Variants in ZP2 observed in about 807,000 individuals in gnomAD.
ZP2 encodes zona pellucida glycoprotein 2, also known as zona pellucida sperm-binding protein 2.
A neutral mutation model predicts 84.0 loss-of-function variants in ZP2; 51 were observed. The ratio of observed to expected loss-of-function variants is 0.61; its 90% CI spans 0.49 to 0.77. The LOEUF (loss-of-function observed/expected upper bound fraction) is 0.77, where lower values mean the gene tolerates loss of function less well. Among genes scored for constraint, ZP2 ranks in the 30% least tolerant of loss-of-function variants. The probability of loss-of-function intolerance (pLI) is 0.00; values close to 1 mark genes in which losing one functional copy is unlikely to be tolerated. For missense variants in ZP2, 909 were observed against 911.9 expected (o/e 1.00, Z 0.04); for synonymous variants, 375 against 330.9 (o/e 1.13, Z -1.45).
At chr16:21,211,978 A>G (rs1423486589), upstream of ZP2, among the ~76,000 whole-genome samples, 1 of 149,442 alleles carries the variant, frequency 6.7e-6, no homozygotes, top group Non-Finnish European at 1.5e-5. Flanking sequence ...CCCAGGCTGG[A>G]GTGCACTGGT....
Position 21,205,447 on chromosome 16 carries a change from G to A in ZP2, c.666C>T (p.Phe222=). 1 of 1,614,128 alleles carries A rather than the reference G, an allele frequency of 6.2e-7. No individual in the cohort carries two copies. Among genetic ancestry groups the A allele is most frequent in the Admixed American group, 1.7e-5 (1 of 60,012 alleles). The change falls in exon 7 of 19, where the codon TTC becomes TTT. Residue 222 remains phenylalanine, a synonymous_variant. Transcript: ENST00000574091. The part of the protein sequence containing the change: ...DNHRMTFHVP[F]NATGVTHYVQ... ...CATAGTGAGTCACTCCAGTGGCATT[G>A]AATGGCACATGGAAGGTCATCCTGT... is the stretch of plus-strand genomic sequence containing the variant.
intron 5 of ZP2, 62 bp from the exon 6 acceptor site, chr16:21,205,837 C>G: frequency 6.4e-7 from 1 of 1,558,242 alleles, no homozygotes; most frequent in Non-Finnish European, 8.8e-7. Flanking sequence ...CGAATTCATG[C>G]CAGAAATTGC....
At position 21,199,632 on chromosome 16, in the gene ZP2, C is replaced by T. The variant is rs369576343; in HGVS notation, c.1865G>A (p.Arg622Gln). 23 of 1,613,558 alleles carry T rather than the reference C, an allele frequency of 1.4e-5. No individual in the cohort carries two copies. The highest frequency in any genetic ancestry group is 1.1e-4 in the African/African-American group (8 of 74,888). The change falls in exon 16 of 19, where the codon CGA becomes CAA. Residue 622 changes from arginine (R) to glutamine (Q), a missense_variant. Transcript: ENST00000574091. ...YFHCSALICNRLSPDSPLCSV... is the reference protein window; with the variant it reads ...YFHCSALICNQLSPDSPLCSV... ...ACACAGTGGGGAGTCAGGGGAGAGT[C>T]GATTACAGATTAAGGCACTGCAGTG...
At chr16:21,211,664 T>C (rs1387963937), upstream of ZP2, 1 of 1,585,472 alleles carries the variant, frequency 6.3e-7, no homozygotes, top group African/African-American at 1.3e-5. Context: ...TCTTGTCCCA[T>C]TCTCCCAGCT....
At chr16:21,213,925 T>C (rs2093283192), upstream of ZP2, among the ~76,000 whole-genome samples, 1 of 151,918 alleles carries the variant, frequency 6.6e-6, no homozygotes, top group African/African-American at 2.4e-5. Flanking sequence ...AGCATAGACG[T>C]GAGACTCAGA....
intron 14 of ZP2, 41 bp from the exon 15 acceptor site, chr16:21,199,919 T>C (rs1281701708): frequency 1.9e-6 from 3 of 1,607,982 alleles, no homozygotes; most frequent in Non-Finnish European, 2.5e-6. Flanking sequence ...GTCATATGCA[T>C]CTTGGAGTCA....
chr16:21,202,527 T>C (rs1319469608), intron 10 of ZP2, among the ~76,000 whole-genome samples: 1 of 152,162 alleles, frequency 6.6e-6, no homozygotes, highest in Non-Finnish European at 1.5e-5. Context: ...CCAGTAGATG[T>C]AGGAAGAAGT....
In ZP2 at chr16:21,197,830, T is replaced by C. The variant is rs761765228; in HGVS notation, c.2031A>G (p.Leu677=). ...SSFRGVGSSD[L]KASGSSGEKS... ...TCTCCCCACTGCTCCCACTTGCTTT[T>C]AGATCAGATGAGCCGACACCTGGGA... The change falls in exon 18 of 19, where the codon CTA becomes CTG. Residue 677 remains leucine, a synonymous_variant. Transcript: ENST00000574091. 2.2e-5 allele frequency: 36 copies of C among 1,614,054 alleles called. No homozygotes were observed. The Admixed American group carries it at 5.3e-4, about 24-fold the overall frequency.
chr16:21,198,438 A>G (rs915041821), intron 17 of ZP2, among the ~76,000 whole-genome samples: 1 of 152,178 alleles, frequency 6.6e-6, no homozygotes, highest in African/African-American at 2.4e-5. Flanking sequence ...TGAGGACAAA[A>G]CTAGAAATAA....
chr16:21,201,135 G>T (rs755178944), intron 14 of ZP2, among the ~76,000 whole-genome samples: 3 of 151,726 alleles, frequency 2.0e-5, no homozygotes, highest in Non-Finnish European at 4.4e-5. Context: ...GGAGGCAGGG[G>T]CTACAGTGAG....
upstream of ZP2, among the ~76,000 whole-genome samples, chr16:21,213,083 T>A (rs2093280761): frequency 6.6e-6 from 1 of 152,302 alleles, no homozygotes; most frequent in Non-Finnish European, 1.5e-5. Context: ...CTTGCTCTGT[T>A]GCCCAGGTGG....
At chr16:21,211,259 C>A (rs568129830) in intron 2 of ZP2, 48 bp downstream of exon 2, 1 of 1,571,624 alleles carries the variant, frequency 6.4e-7, no homozygotes, top group South Asian at 1.1e-5. Context: ...CTTCCAGCTG[C>A]AACCTGTTTT....
chr16:21,201,575 T>C lies in ZP2; in HGVS notation c.1505-17A>G. On this transcript the variant is annotated splice_polypyrimidine_tract_variant and intron_variant, in intron 13 of 18. Coordinates refer to ENST00000574091, the MANE Select transcript of ZP2 (RefSeq NM_001376232.1). ...AGGAATTATCTGAAATTGAATGGTA[T>C]TCAAGTAGTTAATGGCTGCAACACA... 6.2e-7 allele frequency: 1 copy of C among 1,602,490 alleles called. No homozygotes were observed. Among genetic ancestry groups the C allele is most frequent in the South Asian group, 1.1e-5 (1 of 88,916 alleles).
intron 10 of ZP2, 71 bp from the exon 11 acceptor site, chr16:21,202,362 A>C (rs900780548): frequency 7.6e-5 from 102 of 1,337,584 alleles, no homozygotes; most frequent in Non-Finnish European, 9.9e-5. Context: ...CCAACCTGAT[A>C]TGCTACGAGG....
rs775436202 is a variant in ZP2 at position 21,201,749 on chromosome 16, T to C, written c.1461A>G (p.Ser487=). 6.2e-7 allele frequency: 1 copy of C among 1,614,140 alleles called. No individual in the cohort carries two copies. Among genetic ancestry groups the C allele is most frequent in the East Asian group, 2.2e-5 (1 of 44,880 alleles). ...NVESLTPPVA[S]VKLGPFTLIL... is the part of the protein sequence containing the mutation. ...TCAAGGTAAATGGACCCAACTTCAC[T>C]GAGGCCACTGGAGGAGTAAGGCTTT... Residue 487 remains serine (S), a synonymous_variant, in exon 13 of 19, where the codon TCA becomes TCG. Coordinates refer to ENST00000574091, the MANE Select transcript of ZP2 (RefSeq NM_001376232.1).
At chr16:21,203,862 T>G (rs2093237141) in intron 9 of ZP2, 168 bp downstream of exon 9, 5 of 676,092 alleles carry the variant, frequency 7.4e-6, no homozygotes, top group Non-Finnish European at 1.3e-5. Flanking sequence ...CTTTAGTTAC[T>G]TGATATTTCA....
At chr16:21,202,576 G>A (rs1450161735) in intron 10 of ZP2, among the ~76,000 whole-genome samples, 1 of 152,154 alleles carries the variant, frequency 6.6e-6, no homozygotes, top group Non-Finnish European at 1.5e-5. Context: ...CTGATGAAGG[G>A]CAGGAGTTGA....
chr16:21,201,208 A>C (rs540264675), intron 14 of ZP2, among the ~76,000 whole-genome samples, 161 bp downstream of exon 14: 51 of 152,122 alleles, frequency 3.4e-4, no homozygotes, highest in Non-Finnish European at 4.4e-4. Context: ...CAAAACAAAA[A>C]AAAAAAAAAC....
intron 9 of ZP2, 141 bp from the exon 10 acceptor site, chr16:21,203,392 G>A: frequency 9.2e-7 from 1 of 1,086,106 alleles, no homozygotes; most frequent in Admixed American, 2.3e-5. Flanking sequence ...AAACAAGAGA[G>A]ACCCTATCAC....
Sources: gnomAD v4.1 joint callset for allele counts (sites outside exome capture counted in the v4.1 genomes callset) on GRCh38, gnomAD v4.1.1 for gene constraint, MANE v1.5 for transcripts, NCBI Gene and HGNC (gene_info 2026-07-23, HGNC 2026-07-21) for gene names.